RBM6: variants seen among roughly 807,000 people sequenced by gnomAD.
RBM6 encodes the protein RNA binding motif protein 6, also known as RNA-binding protein 6.
A neutral mutation model predicts 140.4 loss-of-function variants in RBM6; 23 were observed. That is an observed-to-expected ratio of 0.16 (90% CI 0.12 to 0.23). The LOEUF is 0.23. RBM6 is among the 10% of genes least tolerant of loss of function. The probability of loss-of-function intolerance (pLI) is 1.00; values close to 1 mark genes in which losing one functional copy is unlikely to be tolerated. For missense variants in RBM6, 1,139 were observed against 1,386.7 expected, an observed-to-expected ratio of 0.82 and a Z score of 2.84; for synonymous variants, 439 against 475.6, an observed-to-expected ratio of 0.92 and a Z score of 1.00.
intron 6 of RBM6, among the ~76,000 whole-genome samples, chr3:50,040,874 A>G (rs1553661478): frequency 6.6e-6 from 1 of 151,924 alleles, no homozygotes; most frequent in Non-Finnish European, 1.5e-5. Flanking sequence ...CGAACTCCTG[A>G]GCTCAAGCAA....
intron 6 of RBM6, among the ~76,000 whole-genome samples, chr3:50,041,110 A>T (rs2088894513): frequency 6.6e-6 from 1 of 152,224 alleles, no homozygotes; most frequent in Non-Finnish European, 1.5e-5. Flanking sequence ...TTTGCTGTCA[A>T]GAACATTTTA....
intron 4 of RBM6, among the ~76,000 whole-genome samples, chr3:49,973,076 C>T (rs1452600753): frequency 3.3e-5 from 5 of 152,178 alleles, no homozygotes; most frequent in African/African-American, 9.7e-5. Flanking sequence ...GGTTATCTCC[C>T]TGCTTCTGCC....
At chr3:49,945,196 T>A (rs2083435680) in intron 1 of RBM6, among the ~76,000 whole-genome samples, 1 of 146,956 alleles carries the variant, frequency 6.8e-6, no homozygotes, top group African/African-American at 2.5e-5. Context: ...TTTTTTTTTT[T>A]AGACAGGGTC....
rs1309895514 is a variant in RBM6, at chr3:49,967,431, C to T, written c.45-39C>T. The T allele has an allele frequency of 6.4e-7, 1 of 1,568,000 alleles. No individual in the cohort carries two copies. ...TATGCTGGTGTGTAGATTTCAAACT[C>T]TCTGGACAATATGAATAACACTGTC... On this transcript the variant is annotated intron_variant, in intron 2 of 20. Coordinates refer to ENST00000266022, the MANE Select transcript of RBM6 (RefSeq NM_005777.3). The surrounding 1 kb of genome is among the most constrained non-coding windows in gnomAD (Gnocchi z 4.0).
chr3:50,027,750 C>T (rs1334490303), intron 6 of RBM6, among the ~76,000 whole-genome samples: 7 of 152,180 alleles, frequency 4.6e-5, no homozygotes, highest in Admixed American at 3.9e-4. Flanking sequence ...AATTGGTAGA[C>T]ATTTAGGTTG....
intron 1 of RBM6, among the ~76,000 whole-genome samples, chr3:49,950,357 G>A (rs368587906): frequency 2.0e-4 from 30 of 152,264 alleles, no homozygotes; most frequent in East Asian, 7.7e-4. Context: ...GATTAAGAAG[G>A]ATGGCCTGGG....
intron 5 of RBM6, 96 bp downstream of exon 5, chr3:49,975,488 A>G (rs1276709010): frequency 9.1e-7 from 1 of 1,098,752 alleles, no homozygotes; most frequent in Non-Finnish European, 1.4e-6. Context: ...AAGAAACCAC[A>G]ATTAAAATTT....
At position 49,962,624 on chromosome 3, in the gene RBM6, C is replaced by A; in HGVS notation, c.-18C>A. The A allele has an allele frequency of 1.3e-6, 2 of 1,588,340 alleles. No individual in the cohort carries two copies. The highest frequency in any genetic ancestry group is 1.7e-6 in the Non-Finnish European group (2 of 1,171,408). On this transcript the variant is annotated 5_prime_UTR_variant, in exon 2 of 21. Transcript: ENST00000266022. The stretch of plus-strand genomic sequence containing the variant: ...TAGAAAAAGGATTTACTTGTTGGGG[C>A]CCTCTTGATAAAAAGAGATGTGGGG...
At chr3:49,950,647 C>T (rs762723504) in intron 1 of RBM6, among the ~76,000 whole-genome samples, 16 of 151,552 alleles carry the variant, frequency 1.1e-4, no homozygotes, top group African/African-American at 3.2e-4. Flanking sequence ...CCCAGCTACT[C>T]GGGAGACTGA....
chr3:49,955,125 T>G (rs2083914308), intron 1 of RBM6, among the ~76,000 whole-genome samples: 1 of 151,542 alleles, frequency 6.6e-6, no homozygotes, highest in Non-Finnish European at 1.5e-5. Flanking sequence ...GCTACTTTAT[T>G]TATTCTTAGG....
intron 1 of RBM6, among the ~76,000 whole-genome samples, chr3:49,948,861 T>G (rs2083610921): frequency 7.1e-6 from 1 of 140,420 alleles, no homozygotes; most frequent in South Asian, 2.4e-4. Context: ...GATGGTGTCT[T>G]GCACTGTCGC....
At chr3:50,071,033 G>C (rs1429289949) in intron 19 of RBM6, among the ~76,000 whole-genome samples, 1 of 152,180 alleles carries the variant, frequency 6.6e-6, no homozygotes, top group Non-Finnish European at 1.5e-5. Context: ...CTGTTTACAG[G>C]TGTCAAGTGC....
In RBM6 at chr3:49,995,679, C is replaced by T. The variant is rs533910849; in HGVS notation, c.1484-3761C>T. Among the ~76,000 whole-genome samples, 10 of 152,206 alleles carry T rather than the reference C, an allele frequency of 6.6e-5. No individual in the cohort carries two copies. In the East Asian group the frequency reaches 1.9e-3, roughly 29 times the overall value. ...AAAGACCCTCCAGACTTCTTCCCAG[C>T]ATGTGACAGTGGAAGAAAGGGGTAA... On this transcript the variant is annotated intron_variant, in intron 5 of 20. Transcript: ENST00000266022.
At chr3:50,009,686 T>A (rs1225993472) in intron 6 of RBM6, among the ~76,000 whole-genome samples, 1 of 144,944 alleles carries the variant, frequency 6.9e-6, no homozygotes, top group Non-Finnish European at 1.5e-5. Context: ...GCCTTCTGAA[T>A]AGTTGGGACT....
chr3:50,030,417 A>G (rs2108820021), intron 6 of RBM6, among the ~76,000 whole-genome samples: 1 of 152,276 alleles, frequency 6.6e-6, no homozygotes, highest in East Asian at 1.9e-4. Context: ...TAGGACCTCT[A>G]GAAATACACA....
At chr3:50,059,490 C>A in intron 10 of RBM6, 159 bp from the exon 11 acceptor site, 1 of 539,970 alleles carries the variant, frequency 1.9e-6, no homozygotes, top group Non-Finnish European at 3.2e-6. Context: ...CTGTTTCTGC[C>A]AGTATGCTCT....
Position 50,040,467 on chromosome 3 carries a change from AAAAAATATATATAT to A in RBM6, c.1558-7776_1558-7763del, listed in dbSNP as rs1392221730. ...TCTCAAAAAAAAAAAAAAAAAAAAA[AAAAAATATATATAT>A]ATATATATATATACACACACACACA... is the stretch of plus-strand genomic sequence containing the variant. On this transcript the variant is annotated intron_variant, in intron 6 of 20. Transcript: ENST00000266022. Among the ~76,000 whole-genome samples, 144 of 33,514 alleles carry A rather than the reference AAAAAATATATATAT, an allele frequency of 4.3e-3. 2 individuals carry two copies. In the East Asian group the frequency reaches 0.054, roughly 13 times the overall value. The allele number at this position is 33,514 out of a possible 152,430, so 22.0% of individuals were successfully genotyped here.
chr3:49,993,113 G>A (rs1164708459), intron 5 of RBM6, among the ~76,000 whole-genome samples: 1 of 152,032 alleles, frequency 6.6e-6, no homozygotes, highest in African/African-American at 2.4e-5. Flanking sequence ...TAAACTCTGG[G>A]GCAAAGACGT....
intron 6 of RBM6, among the ~76,000 whole-genome samples, chr3:50,024,016 G>GT (rs2108802187): frequency 6.6e-6 from 1 of 152,238 alleles, no homozygotes; most frequent in East Asian, 1.9e-4. Context: ...ATCGTTTGTC[G>GT]TAATTTTATG....
Sources: allele counts gnomAD v4.1 joint callset (sites outside exome capture counted in the v4.1 genomes callset), GRCh38; gene constraint gnomAD v4.1.1; non-coding constraint Gnocchi (gnomAD v3.1); transcripts MANE v1.5; gene names NCBI Gene and HGNC (gene_info 2026-07-23, HGNC 2026-07-21).